The following GRID2 variants were observed in gnomAD, a reference collection of about 807,000 sequenced individuals.
The protein encoded by GRID2 is glutamate ionotropic receptor delta type subunit 2.
Under a neutral mutation model 114.8 loss-of-function variants are expected in GRID2, and 33 were observed. The observed-to-expected ratio is 0.29, with a 90% confidence interval of 0.22 to 0.38. GRID2 has a LOEUF of 0.38. GRID2 is among the 10% of genes least tolerant of loss of function. The probability of loss-of-function intolerance (pLI) is 1.00; values close to 1 mark genes in which losing one functional copy is unlikely to be tolerated. For missense variants in GRID2, 1,184 were observed against 1,257.7 expected (o/e 0.94, Z 0.89); for synonymous variants, 505 against 449.9 (o/e 1.12, Z -1.55).
chr4:92,857,484 A>G (rs1375516712), intron 2 of GRID2, among the ~76,000 whole-genome samples: 3 of 152,214 alleles, frequency 2.0e-5, no homozygotes, highest in East Asian at 3.9e-4. Flanking sequence ...GTCTGGATAG[A>G]AGACCAAAGC....
chr4:93,446,259 T>C (rs1722084142), intron 10 of GRID2, among the ~76,000 whole-genome samples: 1 of 152,028 alleles, frequency 6.6e-6, no homozygotes, highest in Non-Finnish European at 1.5e-5. Context: ...CAAGCCATTG[T>C]GCCAGCCCTC....
chr4:93,536,429 C>G (rs547547832), intron 13 of GRID2, among the ~76,000 whole-genome samples: 48 of 151,730 alleles, frequency 3.2e-4, no homozygotes, highest in Middle Eastern at 3.4e-3. Flanking sequence ...ATTTTTGACA[C>G]GGAAATCAAG....
intron 2 of GRID2, among the ~76,000 whole-genome samples, chr4:93,039,078 T>A (rs914236719): frequency 6.6e-6 from 1 of 152,072 alleles, no homozygotes; most frequent in African/African-American, 2.4e-5. Flanking sequence ...CAAATGTCCA[T>A]CAATGATAGA....
rs1257404290 is a variant in GRID2, at chr4:92,822,976, A to AG, written c.244+232693dup. ...CGAGGATGCCACTCAGAGAGACCAG[A>AG]GGGACAAACACCACAGCCAGTCCTG... On this transcript the variant is annotated intron_variant, in intron 2 of 15. Coordinates refer to ENST00000282020, the MANE Select transcript of GRID2 (RefSeq NM_001510.4). 2.0e-5 allele frequency: 3 copies of AG among 152,156 alleles called. No individual in the cohort carries two copies. The East Asian group carries it at 5.8e-4, about 29-fold the overall frequency. 9.4% of individuals were successfully genotyped at this position (152,156 alleles called of 1,614,324 possible).
At chr4:93,069,276 ATATG>A (rs1446847129) in intron 2 of GRID2, among the ~76,000 whole-genome samples, 1 of 151,512 alleles carries the variant, frequency 6.6e-6, no homozygotes, top group African/African-American at 2.4e-5. Context: ...TGTATAATAT[ATATG>A]TGCGTGTATG....
chr4:93,122,743 G>A (rs1001574225), intron 4 of GRID2, among the ~76,000 whole-genome samples: 3 of 151,766 alleles, frequency 2.0e-5, no homozygotes, highest in Non-Finnish European at 4.4e-5. Flanking sequence ...TCTCTAACAG[G>A]CACTGATTCA....
At chr4:92,965,487 A>AC in intron 2 of GRID2, among the ~76,000 whole-genome samples, 1 of 116,482 alleles carries the variant, frequency 8.6e-6, no homozygotes, top group Non-Finnish European at 1.7e-5. Context: ...AAAAAAAAAA[A>AC]AACACACAAC....
intron 4 of GRID2, among the ~76,000 whole-genome samples, chr4:93,193,268 A>G (rs181302022): frequency 6.6e-6 from 1 of 152,260 alleles, no homozygotes; most frequent in Non-Finnish European, 1.5e-5. Flanking sequence ...AGGGATCATT[A>G]TCAAATAGAT....
At chr4:93,667,914 A>T (rs571720136) in intron 14 of GRID2, among the ~76,000 whole-genome samples, 1 of 152,142 alleles carries the variant, frequency 6.6e-6, no homozygotes, top group Admixed American at 6.5e-5. Context: ...ATTTCTAATA[A>T]GAAATTTAAA....
At chr4:92,751,637 T>A (rs538858091) in intron 2 of GRID2, among the ~76,000 whole-genome samples, 2 of 152,350 alleles carry the variant, frequency 1.3e-5, no homozygotes, top group South Asian at 2.1e-4. Context: ...GTGGCTTTTT[T>A]AACACTTGTT....
intron 1 of GRID2, among the ~76,000 whole-genome samples, chr4:92,340,141 A>T (rs1245783815): frequency 6.6e-6 from 1 of 152,148 alleles, no homozygotes; most frequent in Non-Finnish European, 1.5e-5. Context: ...ACTTGTGAAA[A>T]TTTGGAGAAA....
chr4:92,879,323 G>T (rs1342669844), intron 2 of GRID2, among the ~76,000 whole-genome samples: 1 of 152,080 alleles, frequency 6.6e-6, no homozygotes, highest in African/African-American at 2.4e-5. Context: ...CCAATAAAAT[G>T]ACACCCAAAA....
Position 92,867,883 on chromosome 4 carries a change from C to T in GRID2, c.245-217112C>T, listed in dbSNP as rs543101060. Among the ~76,000 whole-genome samples the T allele has an allele frequency of 1.2e-4, 18 of 152,254 alleles. No homozygotes were observed. In the East Asian group the frequency reaches 3.5e-3, roughly 29 times the overall value. On this transcript the variant is annotated intron_variant, in intron 2 of 15. Coordinates refer to ENST00000282020, the MANE Select transcript of GRID2 (RefSeq NM_001510.4). ...TCATTAGAATCATTTAACAGATCAG[C>T]AAACTGCAACTCACAGGGTAGTGAT... is the stretch of plus-strand genomic sequence containing the variant.
At chr4:93,214,624 A>G (rs1395019319) in intron 5 of GRID2, among the ~76,000 whole-genome samples, 2 of 152,050 alleles carry the variant, frequency 1.3e-5, no homozygotes, top group East Asian at 3.9e-4. Flanking sequence ...CCAAATAATA[A>G]TAGGCAAAAT....
chr4:92,442,669 G>C (rs1220309261), intron 1 of GRID2, among the ~76,000 whole-genome samples: 1 of 152,054 alleles, frequency 6.6e-6, no homozygotes, highest in Non-Finnish European at 1.5e-5. Flanking sequence ...GTAATAAAAT[G>C]TATATTGAGA....
At chr4:93,721,048 G>C (rs948411622) in intron 14 of GRID2, among the ~76,000 whole-genome samples, 10 of 152,088 alleles carry the variant, frequency 6.6e-5, no homozygotes, top group Non-Finnish European at 1.5e-4. Flanking sequence ...TAAAAATTCA[G>C]ATCATTCTAA....
chr4:92,711,471 G>A (rs12509347), intron 2 of GRID2, among the ~76,000 whole-genome samples: 25,041 of 152,180 alleles, frequency 0.16, 2,245 homozygotes, highest in East Asian at 0.34. Context: ...AAGAGCTACT[G>A]TCTGCTTCTA....
At position 92,778,405 on chromosome 4, in the gene GRID2, A is replaced by T. The variant is rs1207754386; in HGVS notation, c.244+188119A>T. ...GTATGATTTTGCCTAGTATATTCCTAATGCTCCTGATCTCAATTTTATTTT... is the reference window on the plus strand; with the variant it reads ...GTATGATTTTGCCTAGTATATTCCTTATGCTCCTGATCTCAATTTTATTTT... On this transcript the variant is annotated intron_variant, in intron 2 of 15. Transcript: ENST00000282020. Among the ~76,000 whole-genome samples the T allele has an allele frequency of 2.6e-5, 4 of 151,994 alleles. No homozygotes were observed. The East Asian group carries it at 7.7e-4, about 29-fold the overall frequency.
intron 1 of GRID2, among the ~76,000 whole-genome samples, chr4:92,353,104 T>A (rs1211662686): frequency 6.6e-6 from 1 of 151,908 alleles, no homozygotes; most frequent in African/African-American, 2.4e-5. Flanking sequence ...ACCTTCAAGT[T>A]CACTAACTCT....
Sources: gnomAD v4.1 joint callset for allele counts (sites outside exome capture counted in the v4.1 genomes callset) on GRCh38, gnomAD v4.1.1 for gene constraint, MANE v1.5 for transcripts, NCBI Gene and HGNC (gene_info 2026-07-23, HGNC 2026-07-21) for gene names.